The following GRID1 variants were observed in gnomAD, a reference collection of about 807,000 sequenced individuals.
GRID1 encodes the protein glutamate receptor ionotropic, delta-1.
A neutral mutation model predicts 98.0 loss-of-function variants in GRID1; 28 were observed. That is an observed-to-expected ratio of 0.29 (90% CI 0.21 to 0.39). The LOEUF (loss-of-function observed/expected upper bound fraction) is 0.39. Among genes scored for constraint, GRID1 ranks in the 10% least tolerant of loss-of-function variants. The pLI, the probability that GRID1 is intolerant of heterozygous loss-of-function variation, is 1.00. For missense variants in GRID1, 1,111 were observed against 1,340.5 expected (o/e 0.83, Z 2.67); for synonymous variants, 553 against 538.5 (o/e 1.03, Z -0.37).
intron 2 of GRID1, among the ~76,000 whole-genome samples, chr10:86,324,128 G>A (rs1254389089): frequency 1.3e-5 from 2 of 151,826 alleles, no homozygotes; most frequent in East Asian, 1.9e-4. Context: ...GCAGTGAGCC[G>A]AAATTGTGCC....
intron 8 of GRID1, among the ~76,000 whole-genome samples, chr10:85,814,343 A>G (rs1254472971): frequency 1.3e-5 from 2 of 151,964 alleles, no homozygotes; most frequent in Non-Finnish European, 2.9e-5. Flanking sequence ...AGAAAGAATA[A>G]AGATATAAAA....
At chr10:85,617,362 A>G (rs1022476822) in intron 14 of GRID1, among the ~76,000 whole-genome samples, 1 of 151,892 alleles carries the variant, frequency 6.6e-6, no homozygotes, top group African/African-American at 2.4e-5. Context: ...CCTCCCAAGT[A>G]GCTGGGATTA....
intron 4 of GRID1, among the ~76,000 whole-genome samples, chr10:86,037,974 C>A (rs1035626705): frequency 1.3e-5 from 2 of 152,014 alleles, no homozygotes; most frequent in Non-Finnish European, 2.9e-5. Context: ...AAAATAAGGT[C>A]ATTAAGGTGG....
At chr10:85,706,768 A>C (rs1361039378) in intron 12 of GRID1, among the ~76,000 whole-genome samples, 3 of 152,348 alleles carry the variant, frequency 2.0e-5, no homozygotes, top group African/African-American at 4.8e-5. Context: ...ACAGAGATAT[A>C]GATCAATGGA....
intron 2 of GRID1, among the ~76,000 whole-genome samples, chr10:86,260,912 T>C (rs989953662): frequency 3.3e-5 from 5 of 152,212 alleles, no homozygotes; most frequent in African/African-American, 1.2e-4. Context: ...TAGCTTTAAT[T>C]TGGAGCTAAA....
At chr10:85,865,975 A>ATATATG (rs1564613358) in intron 6 of GRID1, among the ~76,000 whole-genome samples, 1 of 127,288 alleles carries the variant, frequency 7.9e-6, no homozygotes, top group African/African-American at 2.8e-5. Context: ...AGAGAGAGAG[A>ATATATG]GAGAGAGAGA....
At chr10:85,771,054 G>C (rs1842260177) in intron 8 of GRID1, among the ~76,000 whole-genome samples, 2 of 152,128 alleles carry the variant, frequency 1.3e-5, no homozygotes, top group Admixed American at 6.5e-5. Context: ...AGGAAAAAAT[G>C]TTAAGGGCAG....
intron 3 of GRID1, among the ~76,000 whole-genome samples, chr10:86,189,513 GCACA>G (rs149756654): frequency 1.3e-5 from 2 of 148,848 alleles, no homozygotes; most frequent in African/African-American, 5.0e-5. Flanking sequence ...ACACACACAC[GCACA>G]CACACACACA....
chr10:86,099,854 C>A (rs568807057), intron 4 of GRID1, among the ~76,000 whole-genome samples: 6 of 152,276 alleles, frequency 3.9e-5, no homozygotes, highest in African/African-American at 1.2e-4. Flanking sequence ...CACAGGACAG[C>A]CCTCAGTGTT....
chr10:85,970,284 T>C (rs1003311778), intron 4 of GRID1, among the ~76,000 whole-genome samples: 1 of 152,018 alleles, frequency 6.6e-6, no homozygotes, highest in Non-Finnish European at 1.5e-5. Flanking sequence ...TTCCAAAAAA[T>C]AGAATAGGAG....
chr10:85,780,287 C>A (rs1042655779), intron 8 of GRID1, among the ~76,000 whole-genome samples: 7 of 152,198 alleles, frequency 4.6e-5, no homozygotes, highest in African/African-American at 1.7e-4. Flanking sequence ...CAGCCATCAG[C>A]AGCTGGGATT....
chr10:86,233,489 C>T (rs1162999529), intron 2 of GRID1, among the ~76,000 whole-genome samples: 1 of 152,170 alleles, frequency 6.6e-6, no homozygotes, highest in Non-Finnish European at 1.5e-5. Flanking sequence ...GCAGCTGGGC[C>T]TCATAGGTGC....
chr10:85,843,537 T>A (rs1201401003), intron 8 of GRID1, among the ~76,000 whole-genome samples: 1 of 151,846 alleles, frequency 6.6e-6, no homozygotes. Context: ...AAACTATATA[T>A]CCAATAAGAG....
intron 4 of GRID1, among the ~76,000 whole-genome samples, chr10:86,026,176 T>G (rs1434485389): frequency 6.6e-6 from 1 of 152,228 alleles, no homozygotes; most frequent in Non-Finnish European, 1.5e-5. Flanking sequence ...TTTCACACTA[T>G]TTGTTTGGGA....
intron 4 of GRID1, among the ~76,000 whole-genome samples, chr10:85,917,857 C>T (rs1841642727): frequency 6.6e-6 from 1 of 152,232 alleles, no homozygotes; most frequent in South Asian, 2.1e-4. Flanking sequence ...GCTGCAAGGG[C>T]TAAAGAGCCA....
At chr10:85,895,924 T>A (rs1329220068) in intron 5 of GRID1, among the ~76,000 whole-genome samples, 2 of 151,314 alleles carry the variant, frequency 1.3e-5, no homozygotes, top group Non-Finnish European at 2.9e-5. Flanking sequence ...GTGAGAAACA[T>A]CTCTCTGGGG....
chr10:86,361,411 C>T (rs1381988173), intron 2 of GRID1, among the ~76,000 whole-genome samples: 1 of 152,230 alleles, frequency 6.6e-6, no homozygotes, highest in African/African-American at 2.4e-5. Flanking sequence ...ACCAACAATA[C>T]CTGGCCAGTG....
At chr10:85,808,735 C>T (rs1007756123) in intron 8 of GRID1, among the ~76,000 whole-genome samples, 1 of 152,078 alleles carries the variant, frequency 6.6e-6, no homozygotes, top group African/African-American at 2.4e-5. Context: ...ACAAAAATGA[C>T]TTTTAGTATA....
At chr10:85,701,127 T>C (rs1390978485) in intron 12 of GRID1, among the ~76,000 whole-genome samples, 5 of 152,052 alleles carry the variant, frequency 3.3e-5, no homozygotes, top group African/African-American at 1.2e-4. Flanking sequence ...CTTTGGGAGG[T>C]TTCTAGGGGA....
Sources: allele counts gnomAD v4.1 joint callset (sites outside exome capture counted in the v4.1 genomes callset), GRCh38; gene constraint gnomAD v4.1.1; transcripts MANE v1.5; gene names NCBI Gene and HGNC (gene_info 2026-07-23, HGNC 2026-07-21).